The following NOBOX variants were observed in gnomAD, a reference collection of about 807,000 sequenced individuals.
NOBOX encodes homeobox protein NOBOX.
In NOBOX, 46 loss-of-function variants were observed where a neutral mutation model predicts 60.2. The observed-to-expected ratio is 0.76, with a 90% CI of 0.60 to 0.98. The LOEUF (loss-of-function observed/expected upper bound fraction) is 0.98. Ranked by LOEUF, NOBOX falls within the 50% of genes least tolerant of loss-of-function variation. NOBOX has a pLI of 0.00. For missense variants in NOBOX, 880 were observed against 865.5 expected (o/e 1.02, Z -0.21); for synonymous variants, 360 against 346.3 (o/e 1.04, Z -0.44).
At chr7:144,400,090 G>A in intron 5 of NOBOX, 116 bp downstream of exon 3, 2 of 1,606,466 alleles carry the variant, frequency 1.2e-6, no homozygotes, top group South Asian at 2.2e-5. Context: ...CCACGTCTGA[G>A]GCCTCAATTC....
chr7:144,404,028 A>G (rs1587095450), intron 2 of NOBOX, among the ~76,000 whole-genome samples: 1 of 151,856 alleles, frequency 6.6e-6, no homozygotes, highest in Non-Finnish European at 1.5e-5. Flanking sequence ...GGCGGGAGCG[A>G]GGCTACCCGG....
At position 144,401,917 on chromosome 7, in the gene NOBOX, A is replaced by G. The variant is rs1384373738; in HGVS notation, c.244T>C (p.Ser82Pro). Residue 82 changes from serine (S) to proline (P), a missense_variant, in exon 3 of 10, where the codon TCC becomes CCC. Physicochemically the swap from Ser to Pro is moderately conservative, Grantham distance 74. Coordinates refer to ENST00000467773, the MANE Select transcript of NOBOX (RefSeq NM_001080413.3). The surrounding 1 kb of genome is among the most constrained non-coding windows in gnomAD (Gnocchi z 4.2). ...GACACCAGGGGTATGAGTTTGAGGG[A>G]CTGTTCAGGTATCTCTAAGGGATCA... 1.2e-6 allele frequency: 2 copies of G among 1,612,736 alleles called. No individual in the cohort carries two copies. The highest frequency in any genetic ancestry group is 1.7e-6 in the Non-Finnish European group (2 of 1,179,006).
Position 144,397,450 on chromosome 7 carries a change from A to C in NOBOX, c.1866T>G (p.Asp622Glu). Residue 622 changes from aspartate (D) to glutamate (E), a missense_variant, in exon 10 of 10, where the codon GAT (aspartate) becomes GAG (glutamate). Coordinates refer to ENST00000467773, the MANE Select transcript of NOBOX (RefSeq NM_001080413.3). ...TTGGAAATAGATCAGGAAAGTAGCC[A>C]TCCCCTCCTGGGGGATGCCCCAGAG... is the stretch of plus-strand genomic sequence containing the variant. 6.5e-7 allele frequency: 1 copy of C among 1,537,238 alleles called. No individual in the cohort carries two copies. Among genetic ancestry groups the C allele is most frequent in the East Asian group, 2.4e-5 (1 of 40,896 alleles).
chr7:144,399,391 A>G lies in NOBOX; in HGVS notation c.1240+6T>C, dbSNP rs1395889019. The stretch of plus-strand genomic sequence containing the variant: ...TTTTCCCCCAGCTCTGAAGGTGGGA[A>G]CTCACCTGGAAAGGTATCCAGAGGG... On this transcript the variant is annotated splice_donor_region_variant and intron_variant, in intron 7 of 9. Transcript: ENST00000467773. The G allele has an allele frequency of 3.8e-6, 6 of 1,566,088 alleles. No individual in the cohort carries two copies. Among genetic ancestry groups the G allele is most frequent in the Non-Finnish European group, 5.2e-6 (6 of 1,151,642 alleles).
At chr7:144,404,326 C>T (rs1340184927) in intron 2 of NOBOX, among the ~76,000 whole-genome samples, 1 of 152,144 alleles carries the variant, frequency 6.6e-6, no homozygotes, top group Non-Finnish European at 1.5e-5. Context: ...CGGCTCACTG[C>T]AACCTCTGCC....
At chr7:144,403,026 G>A (rs1294242384) in intron 2 of NOBOX, among the ~76,000 whole-genome samples, 1 of 152,106 alleles carries the variant, frequency 6.6e-6, no homozygotes, top group Non-Finnish European at 1.5e-5. Flanking sequence ...CAACGTGCTG[G>A]GATTACAGAC....
chr7:144,399,389 G>C lies in NOBOX; in HGVS notation c.1240+8C>G, dbSNP rs1159009985. The C allele has an allele frequency of 6.4e-7, 1 of 1,564,538 alleles. No homozygotes were observed. Among genetic ancestry groups the C allele is most frequent in the African/African-American group, 1.4e-5 (1 of 73,980 alleles). On this transcript the variant is annotated splice_region_variant and intron_variant, in intron 7 of 9. Coordinates refer to ENST00000467773, the MANE Select transcript of NOBOX (RefSeq NM_001080413.3). The stretch of plus-strand genomic sequence containing the variant: ...CATTTTCCCCCAGCTCTGAAGGTGG[G>C]AACTCACCTGGAAAGGTATCCAGAG...
At chr7:144,406,247 T>G (rs967712880) in intron 1 of NOBOX, among the ~76,000 whole-genome samples, 3 of 152,138 alleles carry the variant, frequency 2.0e-5, no homozygotes, top group African/African-American at 7.2e-5. Flanking sequence ...CATAGGGACT[T>G]AGAGAATTTA....
At chr7:144,400,334 G>A (rs369112705) in intron 4 of NOBOX, 22 bp from the exon 3 acceptor site, 161 of 1,607,628 alleles carry the variant, frequency 1.0e-4, no homozygotes, top group Non-Finnish European at 1.2e-4. Context: ...AGAAACTTGT[G>A]TGAGGAGGAC....
At chr7:144,400,921 C>T (rs2053933002) in intron 4 of NOBOX, 125 bp downstream of exon 2, 8 of 737,226 alleles carry the variant, frequency 1.1e-5, no homozygotes, top group East Asian at 5.9e-5. Context: ...AGAGAGAATC[C>T]GGGACGAAGT....
In NOBOX at chr7:144,397,401, T is replaced by C; in HGVS notation, c.1915A>G (p.Arg639Gly). ...CATGAGAGAGCTGACGAAGGCTGCC[T>C]GCCCAGAGCCTGGGGGCAGGGAGTT... The change falls in exon 10 of 10, where the codon AGG (arginine) becomes GGG (glycine). Residue 639 changes from arginine to glycine, a missense_variant. Transcript: ENST00000467773. 6.5e-7 allele frequency: 1 copy of C among 1,537,246 alleles called. No homozygotes were observed. Among genetic ancestry groups the C allele is most frequent in the Non-Finnish European group, 8.7e-7 (1 of 1,146,906 alleles).
chr7:144,401,490 A>G lies in NOBOX; in HGVS notation c.400T>C (p.Ser134Pro). The change falls in exon 4 of 10, where the codon TCC (serine) becomes CCC (proline). Residue 134 changes from serine (S) to proline (P), a missense_variant. Physicochemically the swap from Ser to Pro is moderately conservative, Grantham distance 74 (BLOSUM62 -1). Transcript: ENST00000467773. The surrounding 1 kb of genome is among the most constrained non-coding windows in gnomAD (Gnocchi z 4.2). ...TTCTTCTCTCCTGAGATGGTGCAGGAGGGTGGCAGTTCCTCACTCTGAGTG... is the reference window on the plus strand; with the variant it reads ...TTCTTCTCTCCTGAGATGGTGCAGGGGGGTGGCAGTTCCTCACTCTGAGTG... The G allele has an allele frequency of 6.5e-7, 1 of 1,542,134 alleles. No individual in the cohort carries two copies. The highest frequency in any genetic ancestry group is 2.3e-5 in the East Asian group (1 of 44,374).
intron 5 of NOBOX, 115 bp downstream of exon 3, chr7:144,400,074 ACACAGCCACGTCTGAGG>A: frequency 6.3e-7 from 1 of 1,591,072 alleles, no homozygotes; most frequent in East Asian, 2.2e-5. Context: ...ACAGTCAGGG[ACACAGCCACGTCTGAGG>A]CCTCAATTCA....
intron 1 of NOBOX, among the ~76,000 whole-genome samples, chr7:144,406,822 G>C (rs1208173): frequency 2.6e-5 from 4 of 151,904 alleles, no homozygotes; most frequent in African/African-American, 9.7e-5. Context: ...GTTAAAATAC[G>C]GGCTAGAGCA....
At chr7:144,399,939 G>A (rs758616482) in intron 5 of NOBOX, 76 bp from the exon 4 acceptor site, 17 of 1,335,412 alleles carry the variant, frequency 1.3e-5, no homozygotes, top group Non-Finnish European at 1.8e-5. Context: ...TGTTGCACAA[G>A]GAGCTACAGG....
chr7:144,398,927 A>G lies in NOBOX; in HGVS notation c.1469+23T>C, dbSNP rs550223578. 2.4e-5 allele frequency: 33 copies of G among 1,356,156 alleles called. No individual in the cohort carries two copies. In the African/African-American group the frequency reaches 3.9e-4, roughly 16 times the overall value. The allele number at this position is 1,356,156 out of a possible 1,614,324, so 84.0% of individuals were successfully genotyped here. A position where few individuals can be genotyped will look rare whatever the true frequency, so the allele number is the denominator to read the frequency against. On this transcript the variant is annotated intron_variant, in intron 8 of 9. Coordinates refer to ENST00000467773, the MANE Select transcript of NOBOX (RefSeq NM_001080413.3). ...TACCCCCACCCAGATAACTAGAGTG[A>G]CCTACCCCCGTAGGTTCCTTACCTT... is the stretch of plus-strand genomic sequence containing the variant.
chr7:144,405,810 G>A (rs2053981541), intron 1 of NOBOX, among the ~76,000 whole-genome samples: 1 of 152,126 alleles, frequency 6.6e-6, no homozygotes, highest in South Asian at 2.1e-4. Context: ...AATCTTAATT[G>A]GTTGGTCCAA....
At chr7:144,400,763 C>T (rs2053931777) in intron 4 of NOBOX, among the ~76,000 whole-genome samples, 1 of 152,176 alleles carries the variant, frequency 6.6e-6, no homozygotes, top group Non-Finnish European at 1.5e-5. Flanking sequence ...GTCTCAAACT[C>T]CTGACTTCAG....
chr7:144,403,602 CCTCCCCG>C, intron 2 of NOBOX, 48 bp downstream of exon 1: 1 of 682,352 alleles, frequency 1.5e-6, no homozygotes, highest in East Asian at 2.8e-5. Flanking sequence ...GGCCTCCCCC[CCTCCCCG>C]AACCCCCAAA....
Sources: allele counts gnomAD v4.1 joint callset (sites outside exome capture counted in the v4.1 genomes callset), GRCh38; gene constraint gnomAD v4.1.1; non-coding constraint Gnocchi (gnomAD v3.1); transcripts MANE v1.5; gene names NCBI Gene and HGNC (gene_info 2026-07-23, HGNC 2026-07-21).